The following PRSS3 variants were observed in gnomAD, a reference collection of about 807,000 sequenced individuals.
PRSS3 encodes the protein serine protease 3.
In PRSS3, 14 loss-of-function variants were observed where a neutral mutation model predicts 20.8. The observed-to-expected ratio is 0.67, with a 90% CI of 0.44 to 1.05. The LOEUF is 1.05. PRSS3 is among the 50% of genes least tolerant of loss of function. The pLI is 0.00. For missense variants in PRSS3, 237 were observed against 306.4 expected, an observed-to-expected ratio of 0.77 and a Z score of 1.69; for synonymous variants, 91 against 117.6, an observed-to-expected ratio of 0.77 and a Z score of 1.46.
At chr9:33,760,783 C>T (rs1035649487) in intron 1 of PRSS3, among the ~76,000 whole-genome samples, 2 of 150,822 alleles carry the variant, frequency 1.3e-5, no homozygotes, top group African/African-American at 2.4e-5. Flanking sequence ...CCCTGAGAGG[C>T]TATGTGTCTT....
In PRSS3 at chr9:33,750,717, G is replaced by A. The variant is rs1383884217; in HGVS notation, c.-63G>A. 8 of 1,446,346 alleles carry A rather than the reference G, an allele frequency of 5.5e-6. No individual in the cohort carries two copies. The highest frequency in any genetic ancestry group is 1.5e-5 in the African/African-American group (1 of 68,014). The allele number at this position is 1,446,346 out of a possible 1,614,324, so 89.6% of individuals were successfully genotyped here. On this transcript the variant is annotated 5_prime_UTR_variant, in exon 1 of 6. Coordinates refer to the PRSS3 transcript ENST00000342836. The surrounding 1 kb of genome is among the most constrained non-coding windows in gnomAD (Gnocchi z 4.8). ...CGCGGGATGCAGACGGCTGCGAGGCGCTGGGCACAGGTCAGACGTCAGTAC... is the reference window on the plus strand; with the variant it reads ...CGCGGGATGCAGACGGCTGCGAGGCACTGGGCACAGGTCAGACGTCAGTAC...
chr9:33,750,812 T>G lies in PRSS3; in HGVS notation c.-53+85T>G. 7.2e-7 allele frequency: 1 copy of G among 1,392,256 alleles called. No homozygotes were observed. The highest frequency in any genetic ancestry group is 1.6e-5 in the South Asian group (1 of 62,774). 86.2% of individuals were successfully genotyped at this position (1,392,256 alleles called of 1,614,324 possible). ...GCCCCGCCAAGGAGCGGGGCTGTGATGGAGAGGGGGTTCCGACTCGCATGG... is the reference window on the plus strand; with the variant it reads ...GCCCCGCCAAGGAGCGGGGCTGTGAGGGAGAGGGGGTTCCGACTCGCATGG... On this transcript the variant is annotated intron_variant, in intron 1 of 5. Coordinates refer to the PRSS3 transcript ENST00000342836. The surrounding 1 kb of genome is among the most constrained non-coding windows in gnomAD (Gnocchi z 4.8).
chr9:33,752,233 C>T lies in PRSS3; in HGVS notation c.-53+1506C>T, dbSNP rs77715704. Among the ~76,000 whole-genome samples, 727 of 152,240 alleles carry T rather than the reference C, an allele frequency of 4.8e-3. 14 individuals carry two copies. Among genetic ancestry groups the T allele is most frequent in the East Asian group, 0.034 (174 of 5,182 alleles). On this transcript the variant is annotated intron_variant, in intron 1 of 5. Transcript: ENST00000342836. Reference sequence around the variant, plus strand: ...TTGATGTTGGTTGTGATGGCCGAGGCGAAGTTATTGAATCTCACATTTGGC... The same window carrying T: ...TTGATGTTGGTTGTGATGGCCGAGGTGAAGTTATTGAATCTCACATTTGGC...
intron 1 of PRSS3, among the ~76,000 whole-genome samples, chr9:33,766,142 G>A (rs1165346052): frequency 6.6e-6 from 1 of 151,776 alleles, no homozygotes; most frequent in African/African-American, 2.4e-5. Flanking sequence ...GCGAGCGTTT[G>A]TAATCCCAAC....
At chr9:33,759,985 G>A (rs1173895852) in intron 1 of PRSS3, among the ~76,000 whole-genome samples, 2 of 152,202 alleles carry the variant, frequency 1.3e-5, no homozygotes, top group South Asian at 4.1e-4. Flanking sequence ...TTTCCAAGAG[G>A]TGGAGAAGGC....
chr9:33,775,355 T>TG (rs1418230674), intron 1 of PRSS3, among the ~76,000 whole-genome samples: 1 of 152,148 alleles, frequency 6.6e-6, no homozygotes, highest in Non-Finnish European at 1.5e-5. Flanking sequence ...GAGCAGTGGC[T>TG]GGGGGGTTGA....
chr9:33,767,813 G>A (rs565086804), intron 1 of PRSS3, among the ~76,000 whole-genome samples: 3 of 151,654 alleles, frequency 2.0e-5, no homozygotes, highest in East Asian at 1.9e-4. Flanking sequence ...CAACAAGAGC[G>A]AACCTCTGTC....
upstream of PRSS3, among the ~76,000 whole-genome samples, chr9:33,792,567 A>T (rs987679569): frequency 3.3e-5 from 5 of 152,242 alleles, no homozygotes; most frequent in African/African-American, 1.2e-4. Flanking sequence ...ATCAGCTCAG[A>T]GGAGGCAAAG....
intron 1 of PRSS3, among the ~76,000 whole-genome samples, chr9:33,763,144 G>A (rs1000531925): frequency 1.3e-5 from 2 of 152,114 alleles, no homozygotes; most frequent in East Asian, 1.9e-4. Flanking sequence ...TTAGGAATTC[G>A]GTTTCCTTTA....
intron 1 of PRSS3, chr9:33,786,149 T>C (rs1251875359): frequency 7.0e-6 from 3 of 427,048 alleles, no homozygotes; most frequent in East Asian, 5.0e-5. Flanking sequence ...AGAACTACGC[T>C]GTAGGAAGGA....
chr9:33,752,308 G>T (rs573909689), intron 1 of PRSS3, among the ~76,000 whole-genome samples: 28 of 152,272 alleles, frequency 1.8e-4, no homozygotes, highest in African/African-American at 5.8e-4. Flanking sequence ...TTAAACATCA[G>T]CTGCTATACT....
At chr9:33,793,233 A>G (rs1256492328), upstream of PRSS3, among the ~76,000 whole-genome samples, 1 of 152,222 alleles carries the variant, frequency 6.6e-6, no homozygotes, top group Non-Finnish European at 1.5e-5. Flanking sequence ...CCGTTCTCCA[A>G]AAAAAGTTTC....
chr9:33,753,243 A>G (rs2790731), intron 1 of PRSS3, among the ~76,000 whole-genome samples: 147,281 of 152,288 alleles, frequency 0.97, 71,304 homozygotes, highest in Non-Finnish European at 1. Flanking sequence ...AGAAACTCTC[A>G]TTTGGTATAT....
chr9:33,754,030 G>A (rs1305162144), intron 1 of PRSS3, among the ~76,000 whole-genome samples: 1 of 151,932 alleles, frequency 6.6e-6, no homozygotes, highest in Non-Finnish European at 1.5e-5. Flanking sequence ...GTCTTGTCTT[G>A]TCTTTTTTTT....
intron 1 of PRSS3, among the ~76,000 whole-genome samples, chr9:33,759,156 G>A (rs192561091): frequency 7.0e-4 from 107 of 152,246 alleles, no homozygotes; most frequent in East Asian, 1.2e-3. Flanking sequence ...ACACTGTCAG[G>A]TTCACGGTGG....
At chr9:33,786,965 T>C in intron 1 of PRSS3, 1 of 584,044 alleles carries the variant, frequency 1.7e-6, no homozygotes. Flanking sequence ...ACACAGCTGC[T>C]TCTGTGCTTG....
At chr9:33,773,491 C>G (rs777349544) in intron 1 of PRSS3, among the ~76,000 whole-genome samples, 15 of 152,168 alleles carry the variant, frequency 9.9e-5, no homozygotes, top group Non-Finnish European at 1.8e-4. Context: ...TGAGACAGCA[C>G]AGCAGAAAGT....
rs549948230 is a variant in PRSS3 at position 33,795,671 on chromosome 9, C to T, written c.40+58C>T. 3.0e-5 allele frequency: 48 copies of T among 1,581,482 alleles called. 1 individual carries two copies. In the South Asian group the frequency reaches 4.8e-4, roughly 16 times the overall value. ...ACCCCCTTTCCTGGCAGACACATGCCCTGCCATTCTTGCCACCTCTCCTCT... is the reference window on the plus strand; with the variant it reads ...ACCCCCTTTCCTGGCAGACACATGCTCTGCCATTCTTGCCACCTCTCCTCT... On this transcript the variant is annotated intron_variant, in intron 1 of 4. Transcript: ENST00000379405.
chr9:33,794,311 T>A (rs1355772532), upstream of PRSS3, among the ~76,000 whole-genome samples: 1 of 152,222 alleles, frequency 6.6e-6, no homozygotes, highest in Non-Finnish European at 1.5e-5. Context: ...TCAGAGTTGC[T>A]GAGAAGGGAA....
Sources: allele counts gnomAD v4.1 joint callset (sites outside exome capture counted in the v4.1 genomes callset), GRCh38; gene constraint gnomAD v4.1.1; non-coding constraint Gnocchi (gnomAD v3.1); transcripts MANE v1.5; gene names NCBI Gene and HGNC (gene_info 2026-07-23, HGNC 2026-07-21).